CDH4: variants seen among roughly 807,000 people sequenced by gnomAD.
CDH4 encodes the protein cadherin 4.
A neutral mutation model predicts 86.0 loss-of-function variants in CDH4; 33 were observed. The observed-to-expected ratio is 0.38, with a 90% CI of 0.29 to 0.51. The LOEUF (loss-of-function observed/expected upper bound fraction) is 0.51, where lower values mean the gene tolerates loss of function less well. Among genes scored for constraint, CDH4 ranks in the 20% least tolerant of loss-of-function variants. The pLI, the probability that CDH4 is intolerant of heterozygous loss-of-function variation, is 0.86. For missense variants in CDH4, 1,114 were observed against 1,307.4 expected, an observed-to-expected ratio of 0.85 and a Z score of 2.28; for synonymous variants, 555 against 549.4, an observed-to-expected ratio of 1.01 and a Z score of -0.14.
chr20:61,831,850 T>C (rs1395730314), intron 4 of CDH4, among the ~76,000 whole-genome samples: 1 of 152,240 alleles, frequency 6.6e-6, no homozygotes, highest in Non-Finnish European at 1.5e-5. Flanking sequence ...AGCATTTGCC[T>C]TCATTCCCAC....
chr20:61,422,316 C>CG (rs1568838302), intron 2 of CDH4, among the ~76,000 whole-genome samples: 2 of 150,868 alleles, frequency 1.3e-5, no homozygotes, highest in East Asian at 2.0e-4. Flanking sequence ...CCCAGCTACT[C>CG]GGGGGGCTGA....
intron 2 of CDH4, among the ~76,000 whole-genome samples, chr20:61,482,373 C>T (rs1600705455): frequency 6.6e-6 from 1 of 152,170 alleles, no homozygotes; most frequent in Non-Finnish European, 1.5e-5. Context: ...CTTTCTGGCA[C>T]ACACTGCCAG....
intron 4 of CDH4, 95 bp from the exon 5 acceptor site, chr20:61,844,573 C>G (rs148611068): frequency 1.6e-6 from 2 of 1,234,042 alleles, no homozygotes; most frequent in African/African-American, 1.5e-5. Context: ...TGGTCGAGCT[C>G]GAGGAACTCA....
intron 2 of CDH4, among the ~76,000 whole-genome samples, chr20:61,600,509 G>C (rs1359026310): frequency 6.6e-6 from 1 of 152,164 alleles, no homozygotes; most frequent in African/African-American, 2.4e-5. Flanking sequence ...CAGGTGGCGG[G>C]ACAGCGGTGA....
At chr20:61,558,249 G>T (rs1335858358) in intron 2 of CDH4, among the ~76,000 whole-genome samples, 1 of 152,064 alleles carries the variant, frequency 6.6e-6, no homozygotes, top group Non-Finnish European at 1.5e-5. Context: ...GAATACTCAA[G>T]AATTCACACC....
rs1002596703 is a variant in CDH4, at chr20:61,684,471, T to C, written c.170-59092T>C. On this transcript the variant is annotated intron_variant, in intron 2 of 15. Transcript: ENST00000614565. This position sits in a 1 kb window ranked among gnomAD's most constrained non-coding sequence, Gnocchi z 4.5. ...TCAGGACCTTTTATACAAAATAGCC[T>C]TGAGCCTGGGCAGAATTCGGAGGCA... Among the ~76,000 whole-genome samples the C allele has an allele frequency of 6.6e-6, 1 of 152,166 alleles. No homozygotes were observed. Among genetic ancestry groups the C allele is most frequent in the East Asian group, 1.9e-4 (1 of 5,178 alleles).
rs978932046 is a variant in CDH4 at position 61,628,984 on chromosome 20, C to T, written c.170-114579C>T. On this transcript the variant is annotated intron_variant, in intron 2 of 15. Coordinates refer to ENST00000614565, the MANE Select transcript of CDH4 (RefSeq NM_001794.5). ...GGAGGCTTGATAAATGCTTAATGAGCGTGTGCCGGCAAGTGCCTCTCAGCC... is the reference window on the plus strand; with the variant it reads ...GGAGGCTTGATAAATGCTTAATGAGTGTGTGCCGGCAAGTGCCTCTCAGCC... Among the ~76,000 whole-genome samples the T allele has an allele frequency of 2.6e-5, 4 of 152,242 alleles. No homozygotes were observed. The South Asian group carries it at 8.3e-4, about 32-fold the overall frequency.
intron 4 of CDH4, among the ~76,000 whole-genome samples, chr20:61,841,794 A>C (rs1982189428): frequency 6.6e-6 from 1 of 152,100 alleles, no homozygotes; most frequent in African/African-American, 2.4e-5. Context: ...GTGGGCCTGC[A>C]GGCCTCCTCT....
chr20:61,526,263 G>T (rs1221185667), intron 2 of CDH4, among the ~76,000 whole-genome samples: 1 of 151,672 alleles, frequency 6.6e-6, no homozygotes, highest in Non-Finnish European at 1.5e-5. Context: ...AACACGACCC[G>T]CCTGGCCTCT....
intron 2 of CDH4, among the ~76,000 whole-genome samples, chr20:61,552,150 ATGTC>A (rs377530259): frequency 6.6e-6 from 1 of 152,364 alleles, no homozygotes; most frequent in African/African-American, 2.4e-5. Flanking sequence ...ACAATTAAAA[ATGTC>A]TGTGTTTTAA....
intron 2 of CDH4, among the ~76,000 whole-genome samples, chr20:61,288,708 G>A (rs980423003): frequency 6.6e-6 from 1 of 152,246 alleles, no homozygotes; most frequent in Non-Finnish European, 1.5e-5. Context: ...GCCGGCTCCA[G>A]ACCTCACAGC....
intron 4 of CDH4, among the ~76,000 whole-genome samples, chr20:61,788,192 A>G (rs536549041): frequency 2.6e-5 from 4 of 152,240 alleles, no homozygotes; most frequent in African/African-American, 9.6e-5. Context: ...CTTATCACAG[A>G]CTGGACATCT....
At chr20:61,884,368 C>T (rs1343931226) in intron 7 of CDH4, among the ~76,000 whole-genome samples, 5 of 152,236 alleles carry the variant, frequency 3.3e-5, no homozygotes, top group African/African-American at 4.8e-5. Context: ...GGGGCCGGGT[C>T]CCTGGTTTTC....
chr20:61,858,247 GTGTC>G (rs1263936343), intron 6 of CDH4, among the ~76,000 whole-genome samples: 1 of 151,112 alleles, frequency 6.6e-6, no homozygotes, highest in African/African-American at 2.4e-5. Flanking sequence ...CTGTGTCTGT[GTGTC>G]TGCGTCTGTG....
intron 2 of CDH4, among the ~76,000 whole-genome samples, chr20:61,607,606 G>T (rs921527492): frequency 6.6e-6 from 1 of 152,184 alleles, no homozygotes; most frequent in South Asian, 2.1e-4. Flanking sequence ...CGACACCTAC[G>T]TGGACTCGCA....
intron 4 of CDH4, among the ~76,000 whole-genome samples, chr20:61,774,057 T>C (rs2088810721): frequency 6.6e-6 from 1 of 152,202 alleles, no homozygotes; most frequent in Non-Finnish European, 1.5e-5. Context: ...CGGTTATTTA[T>C]AGCAGAAACT....
chr20:61,364,538 G>A (rs2084800954), intron 2 of CDH4, among the ~76,000 whole-genome samples: 1 of 152,208 alleles, frequency 6.6e-6, no homozygotes, highest in Non-Finnish European at 1.5e-5. Flanking sequence ...TCCGCATCAG[G>A]AGGGGGGTTC....
chr20:61,386,870 G>A (rs1006756098), intron 2 of CDH4, among the ~76,000 whole-genome samples: 7 of 152,214 alleles, frequency 4.6e-5, no homozygotes, highest in African/African-American at 1.7e-4. Flanking sequence ...TGAAGGGTGA[G>A]GCAGATGTTC....
chr20:61,596,757 G>A (rs1457975204), intron 2 of CDH4, among the ~76,000 whole-genome samples: 16 of 152,106 alleles, frequency 1.1e-4, no homozygotes, highest in South Asian at 4.2e-4. Flanking sequence ...TCACTCCTCC[G>A]TGGGGCTGCC....
Sources: allele counts gnomAD v4.1 joint callset (sites outside exome capture counted in the v4.1 genomes callset), GRCh38; gene constraint gnomAD v4.1.1; non-coding constraint Gnocchi (gnomAD v3.1); transcripts MANE v1.5; gene names NCBI Gene and HGNC (gene_info 2026-07-23, HGNC 2026-07-21).